TMEM232: variants seen among roughly 807,000 people sequenced by gnomAD.
The protein encoded by TMEM232 is transmembrane protein 232.
Under a neutral mutation model 78.8 loss-of-function variants are expected in TMEM232, and 80 were observed. That is an observed-to-expected ratio of 1.01 (90% CI 0.85 to 1.22). The LOEUF (loss-of-function observed/expected upper bound fraction) is 1.22. TMEM232 is among the 50% of genes most tolerant of loss of function. TMEM232 has a pLI of 0.00. For synonymous variants in TMEM232, 297 were observed against 254.3 expected (o/e 1.17, Z -1.60); for missense variants, 881 against 742.2 (o/e 1.19, Z -2.17).
intron 10 of TMEM232, among the ~76,000 whole-genome samples, chr5:110,587,399 A>C (rs746873897): frequency 1.3e-5 from 2 of 152,020 alleles, no homozygotes; most frequent in African/African-American, 4.8e-5. Context: ...CAAATGTGTA[A>C]ATACTGTGGC....
intron 1 of TMEM232, among the ~76,000 whole-genome samples, chr5:110,698,090 T>A (rs947230390): frequency 5.3e-5 from 8 of 152,146 alleles, no homozygotes; most frequent in Non-Finnish European, 7.3e-5. Context: ...ATATATACCA[T>A]GGAATACTAT....
At position 110,642,118 on chromosome 5, in the gene TMEM232, T is replaced by C. The variant is rs1786816068; in HGVS notation, c.237+142A>G. ...TTTGGTTATAAGCTTTAATTTTAAT[T>C]TGCATTAATATTTTAACTATCCCTA... On this transcript the variant is annotated intron_variant, in intron 3 of 13. Coordinates refer to ENST00000455884, the MANE Select transcript of TMEM232 (RefSeq NM_001039763.4). The C allele has an allele frequency of 6.1e-6, 3 of 488,086 alleles. No homozygotes were observed. The South Asian group carries it at 1.3e-4, about 21-fold the overall frequency. The allele number at this position is 488,086 out of a possible 1,614,324, so 30.2% of individuals were successfully genotyped here.
rs184162792 is a variant in TMEM232 at position 110,534,294 on chromosome 5, T to C, written c.1456-5459A>G. Among the ~76,000 whole-genome samples the C allele has an allele frequency of 3.6e-3, 550 of 152,306 alleles. 5 individuals are homozygous for C. The highest frequency in any genetic ancestry group is 0.013 in the African/African-American group (528 of 41,576). The stretch of plus-strand genomic sequence containing the variant: ...GCATTTTTTCAGGCTTAGTATTCAG[T>C]GAAACCTTTATATCCCTTACAGTCC... On this transcript the variant is annotated intron_variant, in intron 11 of 13. Coordinates refer to ENST00000455884, the MANE Select transcript of TMEM232 (RefSeq NM_001039763.4).
intron 1 of TMEM232, among the ~76,000 whole-genome samples, chr5:110,673,170 G>A (rs1791584317): frequency 6.6e-6 from 1 of 152,070 alleles, no homozygotes; most frequent in Non-Finnish European, 1.5e-5. Context: ...GGGTGAAGCT[G>A]GAAACCATCA....
At chr5:110,568,865 A>T (rs2149685252) in intron 10 of TMEM232, among the ~76,000 whole-genome samples, 1 of 152,064 alleles carries the variant, frequency 6.6e-6, no homozygotes, top group African/African-American at 2.4e-5. Flanking sequence ...TAACTGGTAT[A>T]CTTCATAAAT....
chr5:110,431,606 A>C (rs1757859867), intron 12 of TMEM232, among the ~76,000 whole-genome samples: 1 of 151,002 alleles, frequency 6.6e-6, no homozygotes, highest in Non-Finnish European at 1.5e-5. Context: ...TGGAGTTACA[A>C]ATATGGACTT....
intron 1 of TMEM232, among the ~76,000 whole-genome samples, chr5:110,704,163 G>A (rs963925426): frequency 4.6e-5 from 7 of 152,020 alleles, no homozygotes; most frequent in Admixed American, 4.6e-4. Flanking sequence ...TAAGTATCAT[G>A]ATCACTAGAC....
chr5:110,584,641 A>T (rs1244788065), intron 10 of TMEM232, among the ~76,000 whole-genome samples: 1 of 152,104 alleles, frequency 6.6e-6, no homozygotes, highest in African/African-American at 2.4e-5. Context: ...CTGTCTGTGA[A>T]CATATTATGT....
At chr5:110,637,580 T>A (rs1786032762) in intron 5 of TMEM232, among the ~76,000 whole-genome samples, 1 of 151,844 alleles carries the variant, frequency 6.6e-6, no homozygotes, top group Non-Finnish European at 1.5e-5. Context: ...TATGTGTATA[T>A]ATATATATAA....
chr5:110,469,908 C>A (rs139852600), intron 12 of TMEM232, among the ~76,000 whole-genome samples: 1 of 152,258 alleles, frequency 6.6e-6, no homozygotes, highest in East Asian at 1.9e-4. Flanking sequence ...TTGGAATAGT[C>A]CCCTAAAATT....
Position 110,651,934 on chromosome 5 carries a change from C to T in TMEM232, c.126-9563G>A, listed in dbSNP as rs1337302586. ...ATATTCCCTGATGTAACTTTAGGTG[C>T]TTAAGTTTATTTTTACTGTTGTACA... On this transcript the variant is annotated intron_variant, in intron 2 of 13. Transcript: ENST00000455884. 2.6e-5 allele frequency among the ~76,000 whole-genome samples: 4 copies of T among 152,048 alleles called. No individual in the cohort carries two copies. The East Asian group carries it at 7.7e-4, about 29-fold the overall frequency.
chr5:110,568,074 A>G (rs916914210), intron 11 of TMEM232, among the ~76,000 whole-genome samples: 10 of 152,048 alleles, frequency 6.6e-5, no homozygotes, highest in Middle Eastern at 6.8e-3. Flanking sequence ...CTTCATCAAG[A>G]AAAGAGAAAA....
At chr5:110,616,222 C>T (rs1016252126) in intron 8 of TMEM232, among the ~76,000 whole-genome samples, 1 of 151,984 alleles carries the variant, frequency 6.6e-6, no homozygotes, top group African/African-American at 2.4e-5. Flanking sequence ...CATACAGACA[C>T]ATTTGCCAAA....
intron 10 of TMEM232, among the ~76,000 whole-genome samples, chr5:110,572,380 G>A (rs1003084811): frequency 6.6e-6 from 1 of 151,838 alleles, no homozygotes; most frequent in African/African-American, 2.4e-5. Context: ...TAATAATTCT[G>A]GATTGTGAGC....
chr5:110,724,816 A>T (rs1237912395), intron 1 of TMEM232, among the ~76,000 whole-genome samples: 1 of 151,094 alleles, frequency 6.6e-6, no homozygotes, highest in Non-Finnish European at 1.5e-5. Flanking sequence ...ATAGGTATAG[A>T]GCACCTGCTA....
chr5:110,724,910 C>T (rs930182460), intron 1 of TMEM232, among the ~76,000 whole-genome samples: 11 of 151,756 alleles, frequency 7.2e-5, no homozygotes, highest in African/African-American at 1.5e-4. Flanking sequence ...ATCCTAAAGT[C>T]GATATAGATT....
At chr5:110,687,407 C>T (rs1222416802) in intron 1 of TMEM232, among the ~76,000 whole-genome samples, 1 of 152,044 alleles carries the variant, frequency 6.6e-6, no homozygotes, top group East Asian at 1.9e-4. Context: ...ATTTTCTCTC[C>T]ATTTTTTCCT....
chr5:110,440,647 A>G (rs931304202), intron 12 of TMEM232, among the ~76,000 whole-genome samples: 1 of 152,094 alleles, frequency 6.6e-6, no homozygotes, highest in South Asian at 2.1e-4. Flanking sequence ...TTTTGTATGA[A>G]ATGTTTTCTA....
In TMEM232 at chr5:110,479,060, C is replaced by T. The variant is rs538014075; in HGVS notation, c.1703+49528G>A. On this transcript the variant is annotated intron_variant, in intron 12 of 13. Coordinates refer to ENST00000455884, the MANE Select transcript of TMEM232 (RefSeq NM_001039763.4). ...TAGAAATTCCTGAAAAAGTTGTTGGCTGCTTCTAATATACCACATCTAGTC... is the reference window on the plus strand; with the variant it reads ...TAGAAATTCCTGAAAAAGTTGTTGGTTGCTTCTAATATACCACATCTAGTC... Among the ~76,000 whole-genome samples the T allele has an allele frequency of 4.6e-5, 7 of 151,680 alleles. No individual in the cohort carries two copies. In the East Asian group the frequency reaches 1.4e-3, roughly 29 times the overall value.
Sources: gnomAD v4.1 joint callset for allele counts (sites outside exome capture counted in the v4.1 genomes callset) on GRCh38, gnomAD v4.1.1 for gene constraint, MANE v1.5 for transcripts, NCBI Gene and HGNC (gene_info 2026-07-23, HGNC 2026-07-21) for gene names.